Variants in EEFSEC observed in about 807,000 individuals in gnomAD.
EEFSEC encodes the protein selenocysteine-specific elongation factor.
In EEFSEC, 43 loss-of-function variants were observed where a neutral mutation model predicts 42.1. The observed-to-expected ratio is 1.02, with a 90% CI of 0.80 to 1.32. The LOEUF is 1.32. Among genes scored for constraint, EEFSEC ranks in the 40% most tolerant of loss-of-function variants. The pLI, the probability that EEFSEC is intolerant of heterozygous loss-of-function variation, is 0.00. For synonymous variants in EEFSEC, 354 were observed against 339.1 expected (o/e 1.04, Z -0.48); for missense variants, 745 against 803.6 (o/e 0.93, Z 0.88).
chr3:128,220,550 A>G lies in EEFSEC; in HGVS notation c.317-26286A>G, dbSNP rs373088807. On this transcript the variant is annotated intron_variant, in intron 1 of 6. Transcript: ENST00000254730. The stretch of plus-strand genomic sequence containing the variant: ...ATTCCCTGGTGAAGTATGGCTATGG[A>G]TGCTACCCGCCATGCAGTCTGAGGA... Among the ~76,000 whole-genome samples, 155 of 152,212 alleles carry G rather than the reference A, an allele frequency of 1.0e-3. 1 individual carries two copies. Among genetic ancestry groups the G allele is most frequent in the African/African-American group, 3.6e-3 (150 of 41,552 alleles).
intron 1 of EEFSEC, among the ~76,000 whole-genome samples, chr3:128,183,552 G>A (rs759230954): frequency 2.6e-5 from 4 of 152,062 alleles, no homozygotes; most frequent in Admixed American, 6.5e-5. Context: ...TGCTTCTTAC[G>A]GTGCTTATTG....
rs201911929 is a variant in EEFSEC, at chr3:128,295,451, CTTTT to C, written c.786+30690_786+30693del. ...AGGCATTTTTCTGTACTTCCCCCTA[CTTTT>C]TTTTTTTTTTTTTTTTTTTGCTGGC... On this transcript the variant is annotated intron_variant, in intron 4 of 6. Transcript: ENST00000254730. Among the ~76,000 whole-genome samples the C allele has an allele frequency of 3.1e-4, 20 of 64,004 alleles. No homozygotes were observed. The South Asian group carries it at 7.0e-3, about 22-fold the overall frequency. 42.0% of individuals were successfully genotyped at this position (64,004 alleles called of 152,430 possible). A position where few individuals can be genotyped will look rare whatever the true frequency, so the allele number is the denominator to read the frequency against.
chr3:128,284,762 G>C (rs1405870128), intron 4 of EEFSEC, among the ~76,000 whole-genome samples: 1 of 152,144 alleles, frequency 6.6e-6, no homozygotes, highest in Non-Finnish European at 1.5e-5. Flanking sequence ...AACTAAGACT[G>C]TACATGTCAT....
chr3:128,373,253 C>G (rs886805006), intron 6 of EEFSEC, among the ~76,000 whole-genome samples: 5 of 152,158 alleles, frequency 3.3e-5, no homozygotes, highest in African/African-American at 1.2e-4. Flanking sequence ...GTGTGGAGTT[C>G]CGTGCAATGT....
At chr3:128,359,744 G>A (rs1209442411) in intron 6 of EEFSEC, among the ~76,000 whole-genome samples, 2 of 152,232 alleles carry the variant, frequency 1.3e-5, no homozygotes, top group Non-Finnish European at 1.5e-5. Context: ...AGGACTCGAG[G>A]TTGATCCTGT....
intron 4 of EEFSEC, among the ~76,000 whole-genome samples, chr3:128,274,077 A>T (rs2066442056): frequency 6.6e-6 from 1 of 152,146 alleles, no homozygotes; most frequent in South Asian, 2.1e-4. Context: ...ATGTCTTAGG[A>T]TTCAGCCTCT....
intron 4 of EEFSEC, among the ~76,000 whole-genome samples, chr3:128,289,733 C>T (rs775703474): frequency 2.0e-5 from 3 of 152,222 alleles, no homozygotes; most frequent in Admixed American, 1.3e-4. Context: ...GCCCTTCCAG[C>T]CATCTTTCTG....
intron 4 of EEFSEC, among the ~76,000 whole-genome samples, chr3:128,288,199 G>A (rs1156435376): frequency 1.3e-5 from 2 of 152,066 alleles, no homozygotes; most frequent in Non-Finnish European, 2.9e-5. Flanking sequence ...TCAAGTAAGC[G>A]ATTTTGGTTT....
chr3:128,192,362 G>C (rs954894405), intron 1 of EEFSEC, among the ~76,000 whole-genome samples: 3 of 152,166 alleles, frequency 2.0e-5, no homozygotes, highest in Admixed American at 2.0e-4. Flanking sequence ...TAGAGACCAT[G>C]GTGGCTGCAG....
At chr3:128,393,502 C>T (rs1286640839) in intron 6 of EEFSEC, among the ~76,000 whole-genome samples, 1 of 152,212 alleles carries the variant, frequency 6.6e-6, no homozygotes, top group Non-Finnish European at 1.5e-5. Flanking sequence ...TAGAGGGACA[C>T]CTGGCCAGAG....
chr3:128,424,966 C>A, the EEFSEC span, among the ~76,000 whole-genome samples: 23 of 152,108 alleles, frequency 1.5e-4, no homozygotes, highest in African/African-American at 5.3e-4. Flanking sequence ...TGGTCAGGGC[C>A]TCTCACCAAG....
the EEFSEC span, among the ~76,000 whole-genome samples, chr3:128,420,536 A>G: frequency 3.9e-5 from 6 of 152,272 alleles, no homozygotes; most frequent in Middle Eastern, 3.4e-3. Flanking sequence ...GGATCCCTGC[A>G]GTTGGATGGG....
intron 4 of EEFSEC, 63 bp from the exon 5 acceptor site, chr3:128,341,170 C>T (rs1157661599): frequency 6.5e-6 from 10 of 1,530,444 alleles, no homozygotes; most frequent in Middle Eastern, 1.8e-4. Context: ...TGCAGCTCCC[C>T]TCTCCTCCCC....
chr3:128,192,392 TCTC>T (rs986111423), intron 1 of EEFSEC, among the ~76,000 whole-genome samples: 1 of 152,168 alleles, frequency 6.6e-6, no homozygotes, highest in Non-Finnish European at 1.5e-5. Flanking sequence ...GACCCGCTCT[TCTC>T]CTGCAGATTC....
intron 1 of EEFSEC, among the ~76,000 whole-genome samples, chr3:128,230,651 C>G (rs1052498378): frequency 3.3e-5 from 5 of 152,236 alleles, no homozygotes; most frequent in Admixed American, 2.0e-4. Context: ...GAGCCTCACA[C>G]TGCTCTGTTT....
Position 128,341,396 on chromosome 3 carries a change from T to C in EEFSEC, c.950T>C (p.Ile317Thr). ...CTGCACACTGTCCATGCGGCCCTCATCTCTGTGGAAAAGATACCGTATTTC... is the reference window on the plus strand; with the variant it reads ...CTGCACACTGTCCATGCGGCCCTCACCTCTGTGGAAAAGATACCGTATTTC... ...ESLHTVHAAL[I>T]SVEKIPYFRG... Residue 317 changes from isoleucine (I) to threonine (T), a missense_variant, in exon 5 of 7, where the codon ATC (isoleucine) becomes ACC (threonine). By Grantham distance (89) the Ile-to-Thr change is moderately conservative. Transcript: ENST00000254730. 1 of 1,614,080 alleles carries C rather than the reference T, an allele frequency of 6.2e-7. No homozygotes were observed. Among genetic ancestry groups the C allele is most frequent in the African/African-American group, 1.3e-5 (1 of 75,006 alleles).
At chr3:128,158,513 C>T (rs958813422) in intron 1 of EEFSEC, among the ~76,000 whole-genome samples, 1 of 152,224 alleles carries the variant, frequency 6.6e-6, no homozygotes. Context: ...TCATCAACCA[C>T]CACCCTGATC....
chr3:128,246,770 T>C (rs2066132005), intron 1 of EEFSEC, 66 bp from the exon 2 acceptor site: 1 of 1,561,846 alleles, frequency 6.4e-7, no homozygotes, highest in Admixed American at 1.7e-5. Flanking sequence ...ACCTGGGGCA[T>C]TGGGCAACTT....
intron 1 of EEFSEC, among the ~76,000 whole-genome samples, chr3:128,177,776 C>A (rs1382853635): frequency 5.3e-5 from 8 of 152,150 alleles, no homozygotes; most frequent in African/African-American, 1.9e-4. Flanking sequence ...TGGAGATACT[C>A]ATTTTTGTCA....
Sources: allele counts gnomAD v4.1 joint callset (sites outside exome capture counted in the v4.1 genomes callset), GRCh38; gene constraint gnomAD v4.1.1; transcripts MANE v1.5; gene names NCBI Gene and HGNC (gene_info 2026-07-23, HGNC 2026-07-21).